Variants in CSMD1 observed in about 807,000 individuals in gnomAD.
CSMD1 encodes the protein CUB and Sushi multiple domains 1.
Under a neutral mutation model 417.5 loss-of-function variants are expected in CSMD1, and 213 were observed. That is an observed-to-expected ratio of 0.51 (90% CI 0.46 to 0.57). CSMD1 has a LOEUF of 0.57. CSMD1 is among the 20% of genes least tolerant of loss of function. The pLI is 0.00. For synonymous variants in CSMD1, 2,862 were observed against 1,736.8 expected (o/e 1.65, Z -16.11); for missense variants, 6,923 against 4,529.7 (o/e 1.53, Z -15.17).
At chr8:4,574,610 T>G (rs1007223221) in intron 2 of CSMD1, among the ~76,000 whole-genome samples, 1 of 152,220 alleles carries the variant, frequency 6.6e-6, no homozygotes, top group Non-Finnish European at 1.5e-5. Flanking sequence ...TGTCTCAATT[T>G]ATGTGTCCAT....
intron 3 of CSMD1, among the ~76,000 whole-genome samples, chr8:4,073,647 G>A (rs1488991100): frequency 6.6e-6 from 1 of 151,932 alleles, no homozygotes; most frequent in Admixed American, 6.6e-5. Context: ...TTTATTCTGG[G>A]GAATAATTCT....
chr8:4,862,425 C>G (rs972724336), intron 1 of CSMD1, among the ~76,000 whole-genome samples: 2 of 151,982 alleles, frequency 1.3e-5, no homozygotes, highest in African/African-American at 4.8e-5. Flanking sequence ...AGATGATGAA[C>G]TCTGTGTTGG....
intron 7 of CSMD1, among the ~76,000 whole-genome samples, chr8:3,618,771 G>C (rs1006867258): frequency 2.0e-5 from 3 of 152,130 alleles, no homozygotes; most frequent in Admixed American, 1.3e-4. Flanking sequence ...TTCAAAATAG[G>C]ACTATATTTC....
At chr8:4,072,438 T>C (rs921114900) in intron 3 of CSMD1, among the ~76,000 whole-genome samples, 1 of 152,208 alleles carries the variant, frequency 6.6e-6, no homozygotes, top group African/African-American at 2.4e-5. Flanking sequence ...TCAATTCTTA[T>C]TTCTCTGGGA....
At chr8:4,520,909 C>G (rs1803410353) in intron 2 of CSMD1, among the ~76,000 whole-genome samples, 1 of 152,090 alleles carries the variant, frequency 6.6e-6, no homozygotes. Context: ...ATTTTGGACA[C>G]ATGGGTTAAC....
chr8:3,487,153 G>A (rs1394912150), intron 11 of CSMD1, among the ~76,000 whole-genome samples: 1 of 152,068 alleles, frequency 6.6e-6, no homozygotes, highest in Non-Finnish European at 1.5e-5. Flanking sequence ...TCCAGTAACT[G>A]GGCCGCTCTC....
At chr8:4,987,137 T>A (rs540998792) in intron 1 of CSMD1, among the ~76,000 whole-genome samples, 15 of 152,314 alleles carry the variant, frequency 9.8e-5, no homozygotes, top group African/African-American at 3.6e-4. Context: ...ATTCTCTGTA[T>A]CAGAATTACC....
chr8:4,591,104 C>A (rs550173256), intron 2 of CSMD1, among the ~76,000 whole-genome samples: 2 of 152,192 alleles, frequency 1.3e-5, no homozygotes, highest in Non-Finnish European at 2.9e-5. Flanking sequence ...AGGTTGTAAG[C>A]TATGCCATCA....
intron 1 of CSMD1, among the ~76,000 whole-genome samples, chr8:4,703,278 G>C (rs1024198204): frequency 1.3e-5 from 2 of 152,192 alleles, no homozygotes; most frequent in African/African-American, 4.8e-5. Context: ...GGAAAAATTA[G>C]TAGGGAGTGT....
intron 1 of CSMD1, among the ~76,000 whole-genome samples, chr8:4,908,076 T>C (rs1390794473): frequency 6.6e-6 from 1 of 152,220 alleles, no homozygotes; most frequent in African/African-American, 2.4e-5. Flanking sequence ...GGTGGTTTTC[T>C]TTCTCCATGG....
At chr8:3,533,839 C>G (rs10091895) in intron 10 of CSMD1, among the ~76,000 whole-genome samples, 1 of 151,936 alleles carries the variant, frequency 6.6e-6, no homozygotes. Context: ...AGTAGCTGTA[C>G]AGTTAGAGAT....
intron 6 of CSMD1, among the ~76,000 whole-genome samples, chr8:3,748,550 G>A (rs1038680736): frequency 2.6e-5 from 4 of 152,136 alleles, no homozygotes; most frequent in South Asian, 2.1e-4. Flanking sequence ...GATAATGGTT[G>A]TTATTATTTT....
intron 2 of CSMD1, among the ~76,000 whole-genome samples, chr8:4,593,402 T>A (rs2130739104): frequency 6.6e-6 from 1 of 152,334 alleles, no homozygotes; most frequent in African/African-American, 2.4e-5. Flanking sequence ...TAATTATGTA[T>A]TTTTGGCATA....
intron 5 of CSMD1, among the ~76,000 whole-genome samples, chr8:3,896,085 C>T (rs539023535): frequency 1.3e-5 from 2 of 152,286 alleles, no homozygotes; most frequent in African/African-American, 2.4e-5. Context: ...CCATTTACAC[C>T]TCTGATGGTA....
intron 12 of CSMD1, among the ~76,000 whole-genome samples, chr8:3,414,584 T>G (rs1188113146): frequency 6.6e-6 from 1 of 152,192 alleles, no homozygotes; most frequent in East Asian, 1.9e-4. Context: ...ACTCCAGTGC[T>G]AAGGATAACC....
At chr8:4,042,004 A>T (rs1381946805) in intron 3 of CSMD1, among the ~76,000 whole-genome samples, 1 of 152,186 alleles carries the variant, frequency 6.6e-6, no homozygotes, top group Non-Finnish European at 1.5e-5. Flanking sequence ...AACAAAGCAA[A>T]ACTAAGAGCA....
chr8:4,374,646 G>A (rs1802605939), intron 3 of CSMD1, among the ~76,000 whole-genome samples: 1 of 152,064 alleles, frequency 6.6e-6, no homozygotes, highest in South Asian at 2.1e-4. Flanking sequence ...TTTTTTAGCT[G>A]GATGTTTTCT....
At chr8:3,292,368 T>C in intron 25 of CSMD1, among the ~76,000 whole-genome samples, 1 of 152,120 alleles carries the variant, frequency 6.6e-6, no homozygotes, top group South Asian at 2.1e-4. Flanking sequence ...CTGAGTTCAA[T>C]TCCTGGGTAT....
At chr8:3,537,046 C>T (rs146997295) in intron 10 of CSMD1, among the ~76,000 whole-genome samples, 1,703 of 152,022 alleles carry the variant, frequency 0.011, 27 homozygotes, top group African/African-American at 0.039. Flanking sequence ...TCTCTGTTGC[C>T]GGGCTGGAGT....
Sources: gnomAD v4.1 joint callset for allele counts (sites outside exome capture counted in the v4.1 genomes callset) on GRCh38, gnomAD v4.1.1 for gene constraint, MANE v1.5 for transcripts, NCBI Gene and HGNC (gene_info 2026-07-23, HGNC 2026-07-21) for gene names.